Variants in PSMA4 observed in about 807,000 individuals in gnomAD.
PSMA4 encodes proteasome subunit alpha type-4.
Under a neutral mutation model 37.2 loss-of-function variants are expected in PSMA4, and 8 were observed. The ratio of observed to expected loss-of-function variants is 0.22; its 90% CI spans 0.13 to 0.39. The LOEUF is 0.39. Ranked by LOEUF, PSMA4 falls within the 10% of genes least tolerant of loss-of-function variation. The probability of loss-of-function intolerance (pLI) is 1.00; values close to 1 mark genes in which losing one functional copy is unlikely to be tolerated. For synonymous variants in PSMA4, 93 were observed against 98.8 expected (o/e 0.94, Z 0.35); for missense variants, 169 against 305.1 (o/e 0.55, Z 3.32).
intron 1 of PSMA4, 111 bp from the exon 2 acceptor site, chr15:78,541,794 G>T: frequency 1.1e-6 from 1 of 903,148 alleles, no homozygotes; most frequent in Non-Finnish European, 1.8e-6. Flanking sequence ...CTAGCATAAT[G>T]CCTGACACTT....
Position 78,546,707 on chromosome 15 carries a change from T to C in PSMA4, c.631+9T>C. On this transcript the variant is annotated intron_variant, in intron 8 of 8. Transcript: ENST00000044462. ...ACTCTCTGCTGAAAAAGGTAATTCA[T>C]ATCCTCTCCTTTAATTCTTTCGACT... is the stretch of plus-strand genomic sequence containing the variant. The C allele has an allele frequency of 6.3e-7, 1 of 1,591,468 alleles. No homozygotes were observed. The highest frequency in any genetic ancestry group is 1.2e-5 in the South Asian group (1 of 85,944).
At position 78,549,182 on chromosome 15, in the gene PSMA4, G is replaced by GAAT. The variant is rs1399942185; in HGVS notation, c.*240_*241insTAA. 7 of 451,934 alleles carry GAAT rather than the reference G, an allele frequency of 1.5e-5. No homozygotes were observed. The East Asian group carries it at 3.7e-4, about 24-fold the overall frequency. 28.0% of individuals were successfully genotyped at this position (451,934 alleles called of 1,614,324 possible). A position where few individuals can be genotyped will look rare whatever the true frequency, so the allele number is the denominator to read the frequency against. ...TCCCCTTTTTTTGGAATAAAATTTG[G>GAAT]AAAATGGAAATGAAGGAATAAATTC... On this transcript the variant is annotated 3_prime_UTR_variant, in exon 9 of 9. Coordinates refer to ENST00000044462, the MANE Select transcript of PSMA4 (RefSeq NM_002789.6).
chr15:78,541,484 C>T (rs1404812854), intron 1 of PSMA4: 14 of 193,200 alleles, frequency 7.2e-5, no homozygotes, highest in Non-Finnish European at 7.5e-5. Flanking sequence ...AACTATCCTG[C>T]CTCCGTACCC....
chr15:78,550,492 TG>T lies in PSMA4; in HGVS notation c.*1549del, dbSNP rs1358157596. The T allele has an allele frequency of 9.5e-4, 77 of 81,118 alleles. No homozygotes were observed. Among genetic ancestry groups the T allele is most frequent in the African/African-American group, 4.8e-3 (74 of 15,564 alleles). The allele number at this position is 81,118 out of a possible 1,614,324, so 5.0% of individuals were successfully genotyped here. On this transcript the variant is annotated 3_prime_UTR_variant, in exon 9 of 9. Coordinates refer to ENST00000044462, the MANE Select transcript of PSMA4 (RefSeq NM_002789.6). The stretch of plus-strand genomic sequence containing the variant: ...TATGCTTAGGAACAACACTAAACAG[TG>T]TTTTTTTCATAGAGACGGTGAGCAG...
Position 78,546,699 on chromosome 15 carries a change from GTAATTCATATCCTCTCCTT to G in PSMA4, c.631+8_631+26del, listed in dbSNP as rs2052559327. 1 of 1,595,106 alleles carries G rather than the reference GTAATTCATATCCTCTCCTT, an allele frequency of 6.3e-7. No homozygotes were observed. The highest frequency in any genetic ancestry group is 1.4e-5 in the African/African-American group (1 of 73,456). Reference sequence around the variant, plus strand: ...GTTAGTAAACTCTCTGCTGAAAAAGGTAATTCATATCCTCTCCTTTAATTCTTTCGACTGAGTGAGGGAA... The same window carrying G: ...GTTAGTAAACTCTCTGCTGAAAAAGGTAATTCTTTCGACTGAGTGAGGGAA... On this transcript the variant is annotated splice_donor_variant and splice_donor_5th_base_variant and intron_variant, in intron 8 of 8. Coordinates refer to ENST00000044462, the MANE Select transcript of PSMA4 (RefSeq NM_002789.6). LOFTEE classifies it high-confidence loss of function.
rs968442202 is a variant in PSMA4 at position 78,551,893 on chromosome 15, C to T, written c.*2949C>T. The T allele has an allele frequency of 1.1e-4, 16 of 152,068 alleles. No homozygotes were observed. The highest frequency in any genetic ancestry group is 2.2e-4 in the Non-Finnish European group (15 of 68,028). 9.4% of individuals were successfully genotyped at this position (152,068 alleles called of 1,614,324 possible). On this transcript the variant is annotated 3_prime_UTR_variant, in exon 9 of 9. Coordinates refer to ENST00000044462, the MANE Select transcript of PSMA4 (RefSeq NM_002789.6). ...AATAAGAGAGCCTGGTATAGTTTGC[C>T]GCCACATTAGGAAAGTCTTCAGAAT... is the stretch of plus-strand genomic sequence containing the variant.
chr15:78,542,669 T>G, intron 4 of PSMA4, 24 bp downstream of exon 4: 1 of 1,574,404 alleles, frequency 6.4e-7, no homozygotes, highest in Non-Finnish European at 8.6e-7. Context: ...TAGGAAAGAG[T>G]TTAAAAAAAA....
chr15:78,548,054 AC>A (rs1453078022), intron 8 of PSMA4, among the ~76,000 whole-genome samples: 2 of 151,856 alleles, frequency 1.3e-5, no homozygotes, highest in East Asian at 3.9e-4. Context: ...ACATGGTGAA[AC>A]CCCTGCCTCT....
intron 8 of PSMA4, among the ~76,000 whole-genome samples, chr15:78,547,492 A>C (rs1216922460): frequency 6.6e-6 from 1 of 152,214 alleles, no homozygotes; most frequent in Non-Finnish European, 1.5e-5. Flanking sequence ...TTTTAAGCTC[A>C]TGTTAGCAAT....
At chr15:78,540,572 C>T (rs1006418637) in intron 1 of PSMA4, 33 bp downstream of exon 1, 2 of 152,558 alleles carry the variant, frequency 1.3e-5, no homozygotes, top group African/African-American at 2.4e-5. Context: ...CCCGCGGAAG[C>T]TTGGCCGCTT....
intron 7 of PSMA4, 77 bp from the exon 8 acceptor site, chr15:78,546,498 G>T (rs1221606160): frequency 1.5e-6 from 2 of 1,313,542 alleles, no homozygotes; most frequent in Non-Finnish European, 2.1e-6. Context: ...AATAATTCAG[G>T]CATTTTTCTT....
In PSMA4 at chr15:78,542,618, T is replaced by C. The variant is rs771384661; in HGVS notation, c.182T>C (p.Phe61Ser). 2.5e-6 allele frequency: 4 copies of C among 1,606,100 alleles called. No homozygotes were observed. In the Admixed American group the frequency reaches 5.2e-5, roughly 21 times the overall value. The change falls in exon 4 of 9, where the codon TTT (phenylalanine) becomes TCT (serine). Residue 61 changes from phenylalanine to serine, a missense_variant. By Grantham distance (155) the Phe-to-Ser change is radical. Around this residue, in one of 2 missense-constraint regions of PSMA4, gnomAD observed 79 missense variants for 212.4 expected, o/e 0.37. Transcript: ENST00000044462. ...NIHKLLDEVF[F>S]SEKIYKLNED... Reference sequence around the variant, plus strand: ...CACAAGCTTCTTGATGAAGTCTTTTTTTCTGAAAAAATTTATAAACTCAAT... The same window carrying C: ...CACAAGCTTCTTGATGAAGTCTTTTCTTCTGAAAAAATTTATAAACTCAAT...
intron 1 of PSMA4, chr15:78,541,090 C>T (rs550426190): frequency 1.3e-5 from 2 of 152,242 alleles, no homozygotes; most frequent in Non-Finnish European, 2.9e-5. Context: ...CCAATCAGTT[C>T]CTGTGGGCCT....
chr15:78,542,341 A>G, intron 3 of PSMA4, 122 bp downstream of exon 3: 2 of 1,398,150 alleles, frequency 1.4e-6, no homozygotes, highest in South Asian at 1.3e-5. Context: ...CTTTGAAGCA[A>G]TTATCATCAC....
chr15:78,543,983 AG>A, intron 4 of PSMA4: 1 of 494,080 alleles, frequency 2.0e-6, no homozygotes, highest in South Asian at 3.0e-5. Flanking sequence ...AATAACTTAA[AG>A]GGTGCATTTG....
Position 78,541,889 on chromosome 15 carries a change from G to T in PSMA4, c.-23-16G>T. 1 of 1,550,820 alleles carries T rather than the reference G, an allele frequency of 6.4e-7. No homozygotes were observed. The highest frequency in any genetic ancestry group is 1.1e-5 in the South Asian group (1 of 88,670). ...GTGAATCTTATTTTAATGATGATCT[G>T]ATTTTCTTTTTACAGGAACTATATA... On this transcript the variant is annotated splice_polypyrimidine_tract_variant and intron_variant, in intron 1 of 8. Coordinates refer to ENST00000044462, the MANE Select transcript of PSMA4 (RefSeq NM_002789.6).
Position 78,552,027 on chromosome 15 carries a change from CTG to C in PSMA4, c.*3086_*3087del, listed in dbSNP as rs1245687011. The C allele has an allele frequency of 1.3e-5, 2 of 152,188 alleles. No individual in the cohort carries two copies. Among genetic ancestry groups the C allele is most frequent in the Non-Finnish European group, 2.9e-5 (2 of 68,046 alleles). 9.4% of individuals were successfully genotyped at this position (152,188 alleles called of 1,614,324 possible). A position where few individuals can be genotyped will look rare whatever the true frequency, so the allele number is the denominator to read the frequency against. ...AGGTGAGGCAAAAGCTACTCTTTAA[CTG>C]TGAGTTTTTTTTCCTTGCGATGGGG... On this transcript the variant is annotated 3_prime_UTR_variant, in exon 9 of 9. Transcript: ENST00000044462.
chr15:78,552,096 G>A lies in PSMA4; in HGVS notation c.*3152G>A, dbSNP rs998385753. ...AGATTCTCACGCTAGCCCCACTTTC[G>A]TCTGCTCTGTGGCATATTTTTAACC... On this transcript the variant is annotated 3_prime_UTR_variant, in exon 9 of 9. Transcript: ENST00000044462. 8 of 152,088 alleles carry A rather than the reference G, an allele frequency of 5.3e-5. No individual in the cohort carries two copies. The highest frequency in any genetic ancestry group is 4.1e-4 in the South Asian group (2 of 4,828). 9.4% of individuals were successfully genotyped at this position (152,088 alleles called of 1,614,324 possible).
intron 4 of PSMA4, among the ~76,000 whole-genome samples, chr15:78,543,266 A>T (rs894735353): frequency 1.3e-5 from 2 of 152,170 alleles, no homozygotes; most frequent in Non-Finnish European, 2.9e-5. Flanking sequence ...AATGCTGATT[A>T]TCAGGGCCTT....
Sources: allele counts gnomAD v4.1 joint callset (sites outside exome capture counted in the v4.1 genomes callset), GRCh38; gene constraint gnomAD v4.1.1; regional missense constraint gnomAD v4.1.1; transcripts MANE v1.5; gene names NCBI Gene and HGNC (gene_info 2026-07-23, HGNC 2026-07-21).